AP2B1: variants seen among roughly 807,000 people sequenced by gnomAD.
AP2B1 encodes the protein AP-2 complex subunit beta.
AP2B1 carries 23 observed loss-of-function variants against 102.0 expected under a neutral mutation model. The observed-to-expected ratio is 0.23, with a 90% CI of 0.16 to 0.32. AP2B1 has a LOEUF of 0.32. AP2B1 is among the 10% of genes least tolerant of loss of function. The pLI is 1.00. For missense variants in AP2B1, 541 were observed against 1,157.4 expected (o/e 0.47, Z 7.73); for synonymous variants, 381 against 421.2 (o/e 0.90, Z 1.17).
intron 18 of AP2B1, among the ~76,000 whole-genome samples, chr17:35,689,987 C>T (rs975899901): frequency 6.6e-6 from 1 of 152,110 alleles, no homozygotes; most frequent in African/African-American, 2.4e-5. Context: ...TGATAGTTTT[C>T]CCCAATTTTG....
At chr17:35,667,316 T>C (rs747388117) in intron 14 of AP2B1, among the ~76,000 whole-genome samples, 1 of 152,228 alleles carries the variant, frequency 6.6e-6, no homozygotes, top group Non-Finnish European at 1.5e-5. Context: ...ATGTATAGTA[T>C]TGAAATTGTC....
intron 18 of AP2B1, among the ~76,000 whole-genome samples, chr17:35,691,977 T>C (rs587671205): frequency 1.3e-5 from 2 of 151,032 alleles, no homozygotes; most frequent in Admixed American, 6.5e-5. Flanking sequence ...CTCCTTTATC[T>C]TTTTTTATCA....
intron 5 of AP2B1, among the ~76,000 whole-genome samples, chr17:35,614,518 C>T (rs896010673): frequency 1.4e-4 from 21 of 152,030 alleles, no homozygotes; most frequent in African/African-American, 4.8e-4. Context: ...GTTCAGTCCT[C>T]GTAAGTCCCT....
chr17:35,707,956 G>C (rs1568031827), intron 18 of AP2B1, among the ~76,000 whole-genome samples: 1 of 152,206 alleles, frequency 6.6e-6, no homozygotes, highest in Non-Finnish European at 1.5e-5. Context: ...TTCTGGGAGA[G>C]AGAACGCAAA....
chr17:35,689,749 T>C (rs2076005298), intron 18 of AP2B1, among the ~76,000 whole-genome samples: 1 of 152,194 alleles, frequency 6.6e-6, no homozygotes, highest in Non-Finnish European at 1.5e-5. Flanking sequence ...AGTTTCATCA[T>C]TGCATCAGCC....
chr17:35,660,053 T>C, intron 14 of AP2B1: 1 of 985,256 alleles, frequency 1.0e-6, no homozygotes. Context: ...CTCAAAGCCA[T>C]TTTTTGAATG....
At position 35,593,934 on chromosome 17, in the gene AP2B1, T is replaced by C. The variant is rs989393049; in HGVS notation, c.-23-74T>C. 5 of 702,852 alleles carry C rather than the reference T, an allele frequency of 7.1e-6. No homozygotes were observed. The African/African-American group carries it at 9.3e-5, about 13-fold the overall frequency. The allele number at this position is 702,852 out of a possible 1,614,324, so 43.5% of individuals were successfully genotyped here. On this transcript the variant is annotated intron_variant, in intron 1 of 21. Coordinates refer to ENST00000610402, the MANE Select transcript of AP2B1 (RefSeq NM_001030006.2). ...ATAAGTGTTCCTAAAATTAATTGGATGTTCTTAAAATTAATTGGATGCCTT... is the reference window on the plus strand; with the variant it reads ...ATAAGTGTTCCTAAAATTAATTGGACGTTCTTAAAATTAATTGGATGCCTT...
chr17:35,660,889 G>T (rs1197057279), intron 14 of AP2B1, among the ~76,000 whole-genome samples: 1 of 152,200 alleles, frequency 6.6e-6, no homozygotes, highest in Non-Finnish European at 1.5e-5. Flanking sequence ...TTTTGTTAAA[G>T]CTCTTTCTTT....
chr17:35,656,851 C>G (rs968919770), intron 13 of AP2B1, among the ~76,000 whole-genome samples: 1 of 149,270 alleles, frequency 6.7e-6, no homozygotes, highest in African/African-American at 2.5e-5. Context: ...CGCCACTGCA[C>G]TCCAGCCTGG....
intron 14 of AP2B1, among the ~76,000 whole-genome samples, chr17:35,668,341 G>A (rs898994704): frequency 6.6e-6 from 1 of 152,190 alleles, no homozygotes; most frequent in African/African-American, 2.4e-5. Flanking sequence ...TAACGGCAGT[G>A]TTTTCAACCT....
rs1451734208 is a variant in AP2B1, at chr17:35,725,429, C to T, written c.*1730C>T. 1.3e-5 allele frequency: 2 copies of T among 152,260 alleles called. No individual in the cohort carries two copies. The highest frequency in any genetic ancestry group is 4.8e-5 in the African/African-American group (2 of 41,448). 9.4% of individuals were successfully genotyped at this position (152,260 alleles called of 1,614,324 possible). On this transcript the variant is annotated 3_prime_UTR_variant, in exon 22 of 22. Coordinates refer to ENST00000610402, the MANE Select transcript of AP2B1 (RefSeq NM_001030006.2). ...GGAAAACAAGAGCAAAACTACCCCA[C>T]ACCCCTATTTCATGTCTGAAATAAC...
At chr17:35,668,436 TG>T in intron 14 of AP2B1, among the ~76,000 whole-genome samples, 1 of 152,258 alleles carries the variant, frequency 6.6e-6, no homozygotes, top group African/African-American at 2.4e-5. Flanking sequence ...TTACCATCTC[TG>T]GGGGCGAGTA....
chr17:35,679,312 G>A (rs1046208509), intron 17 of AP2B1, among the ~76,000 whole-genome samples: 9 of 151,758 alleles, frequency 5.9e-5, no homozygotes, highest in African/African-American at 1.9e-4. Context: ...CTTCCAAGGT[G>A]TTTGTTTTCT....
chr17:35,650,297 G>A (rs1046343680), intron 12 of AP2B1, among the ~76,000 whole-genome samples: 8 of 152,046 alleles, frequency 5.3e-5, no homozygotes, highest in African/African-American at 9.7e-5. Flanking sequence ...GTTTTGCCAC[G>A]TTGCCCAGGC....
At chr17:35,700,149 C>T (rs953106106) in intron 18 of AP2B1, among the ~76,000 whole-genome samples, 3 of 151,552 alleles carry the variant, frequency 2.0e-5, no homozygotes, top group South Asian at 2.1e-4. Flanking sequence ...TACCTTTTGG[C>T]GTTGATTAGA....
intron 20 of AP2B1, 101 bp from the exon 21 acceptor site, chr17:35,717,094 C>A: frequency 7.5e-7 from 1 of 1,329,308 alleles, no homozygotes; most frequent in Non-Finnish European, 1.0e-6. Flanking sequence ...CAGTACTTGT[C>A]AGGGAACTGA....
At chr17:35,719,113 ATC>A (rs1160425216) in intron 21 of AP2B1, among the ~76,000 whole-genome samples, 11 of 152,232 alleles carry the variant, frequency 7.2e-5, no homozygotes, top group Non-Finnish European at 2.9e-5. Context: ...GAGTTTCTAC[ATC>A]TCTTTTACCC....
intron 14 of AP2B1, among the ~76,000 whole-genome samples, chr17:35,661,651 C>T (rs778598800): frequency 2.6e-5 from 4 of 152,172 alleles, no homozygotes; most frequent in Non-Finnish European, 5.9e-5. Flanking sequence ...TCCTTGCTTA[C>T]TTGCCATAAT....
intron 20 of AP2B1, among the ~76,000 whole-genome samples, chr17:35,716,480 G>A (rs989916098): frequency 1.8e-4 from 27 of 152,094 alleles, no homozygotes; most frequent in African/African-American, 6.5e-4. Context: ...GGGATCTTAG[G>A]ATCTAGCAGC....
Sources: gnomAD v4.1 joint callset for allele counts (sites outside exome capture counted in the v4.1 genomes callset) on GRCh38, gnomAD v4.1.1 for gene constraint, MANE v1.5 for transcripts, NCBI Gene and HGNC (gene_info 2026-07-23, HGNC 2026-07-21) for gene names.